Variants in INTS4 observed in about 807,000 individuals in gnomAD.
INTS4 encodes the protein MSTP093.
INTS4 carries 70 observed loss-of-function variants against 119.5 expected under a neutral mutation model. The ratio of observed to expected loss-of-function variants is 0.59; its 90% confidence interval spans 0.48 to 0.71. The LOEUF (loss-of-function observed/expected upper bound fraction) is 0.71. Ranked by LOEUF, INTS4 falls within the 30% of genes least tolerant of loss-of-function variation. The pLI, the probability that INTS4 is intolerant of heterozygous loss-of-function variation, is 0.00. For missense variants in INTS4, 867 were observed against 1,173.2 expected, an observed-to-expected ratio of 0.74 and a Z score of 3.81; for synonymous variants, 316 against 419.6, an observed-to-expected ratio of 0.75 and a Z score of 3.02.
chr11:77,972,794 T>C (rs946062206), intron 4 of INTS4, among the ~76,000 whole-genome samples: 1 of 151,690 alleles, frequency 6.6e-6, no homozygotes, highest in Non-Finnish European at 1.5e-5. Context: ...TACTGGTGCT[T>C]CTTTTGTTAG....
intron 12 of INTS4, chr11:77,922,780 C>T: frequency 2.7e-6 from 1 of 367,874 alleles, no homozygotes; most frequent in Non-Finnish European, 5.3e-6. Context: ...TCGGAAAAGG[C>T]AGGTCCAGCC....
chr11:77,885,393 A>G (rs1481909753), intron 21 of INTS4, among the ~76,000 whole-genome samples: 1 of 152,116 alleles, frequency 6.6e-6, no homozygotes, highest in East Asian at 1.9e-4. Flanking sequence ...TATTTCTTAA[A>G]GCTGCTACTC....
intron 4 of INTS4, among the ~76,000 whole-genome samples, chr11:77,968,488 G>A (rs1855584802): frequency 1.3e-5 from 2 of 152,296 alleles, no homozygotes; most frequent in Non-Finnish European, 2.9e-5. Context: ...TTAGGGACGA[G>A]GGGATGGGGA....
intron 17 of INTS4, among the ~76,000 whole-genome samples, chr11:77,902,633 G>T (rs1183833640): frequency 6.6e-6 from 1 of 152,140 alleles, no homozygotes; most frequent in Non-Finnish European, 1.5e-5. Context: ...TATTATGAGG[G>T]TTAATTAAGC....
chr11:77,958,760 C>A lies in INTS4; in HGVS notation c.783G>T (p.Gln261His). Residue 261 changes from glutamine to histidine, a missense_variant, in exon 7 of 23, where the codon CAG (glutamine) becomes CAT (histidine). By Grantham distance (24) the Gln-to-His change is conservative. This residue lies in a region of INTS4 where 208 missense variants were observed against 306.6 expected (regional missense o/e 0.68). Transcript: ENST00000534064. ...CCCACACTGACCTTTCAGGATAGAG[C>A]TGACTGACGACCCAGATAAGCTGGA... ...AAVQLIWVVS[Q>H]LYPESIVPIP... 1.2e-6 allele frequency: 2 copies of A among 1,609,430 alleles called. No homozygotes were observed. Among genetic ancestry groups the A allele is most frequent in the Non-Finnish European group, 1.7e-6 (2 of 1,177,664 alleles).
chr11:77,930,493 A>T (rs1157375532), intron 10 of INTS4, among the ~76,000 whole-genome samples: 2 of 152,212 alleles, frequency 1.3e-5, no homozygotes, highest in African/African-American at 4.8e-5. Context: ...TATCCATTAC[A>T]CCACACTGAC....
intron 4 of INTS4, among the ~76,000 whole-genome samples, chr11:77,975,582 A>T (rs991660005): frequency 6.6e-6 from 1 of 152,196 alleles, no homozygotes; most frequent in Non-Finnish European, 1.5e-5. Context: ...GTTATGAATC[A>T]CAGATAGCCT....
chr11:77,944,635 G>A (rs7935050), intron 8 of INTS4, among the ~76,000 whole-genome samples: 18,563 of 152,206 alleles, frequency 0.12, 1,277 homozygotes, highest in East Asian at 0.22. Flanking sequence ...TCGATTTGCT[G>A]AACAGGTGAT....
Position 77,934,981 on chromosome 11 carries a change from G to A in INTS4, c.1165+3670C>T, listed in dbSNP as rs560356072. Among the ~76,000 whole-genome samples, 5 of 152,226 alleles carry A rather than the reference G, an allele frequency of 3.3e-5. No individual in the cohort carries two copies. The South Asian group carries it at 8.3e-4, about 25-fold the overall frequency. ...CTTTTAAGACCTCGCACAGGTCTCCGGCACAAATTTACTGTAAAATGTGGA... is the reference window on the plus strand; with the variant it reads ...CTTTTAAGACCTCGCACAGGTCTCCAGCACAAATTTACTGTAAAATGTGGA... On this transcript the variant is annotated intron_variant, in intron 10 of 22. Coordinates refer to ENST00000534064, the MANE Select transcript of INTS4 (RefSeq NM_033547.4).
At chr11:77,994,188 C>T (rs1385045775) in intron 1 of INTS4, among the ~76,000 whole-genome samples, 2 of 151,374 alleles carry the variant, frequency 1.3e-5, no homozygotes, top group African/African-American at 2.4e-5. Flanking sequence ...TTTTTTGGAA[C>T]GGGGGTGCGG....
At chr11:77,978,365 T>C (rs1238450767) in intron 4 of INTS4, 1 of 152,224 alleles carries the variant, frequency 6.6e-6, no homozygotes, top group Non-Finnish European at 1.5e-5. Context: ...TTCTCAAAGT[T>C]ATCAAAAAGA....
At chr11:77,957,663 C>CTT (rs1159914263) in intron 7 of INTS4, among the ~76,000 whole-genome samples, 2,616 of 110,588 alleles carry the variant, frequency 0.024, 92 homozygotes, top group African/African-American at 0.064. Flanking sequence ...AACTGAACTT[C>CTT]TTTTTTTTTT....
At chr11:77,945,345 C>T (rs1435406101) in intron 8 of INTS4, among the ~76,000 whole-genome samples, 1 of 152,162 alleles carries the variant, frequency 6.6e-6, no homozygotes, top group Non-Finnish European at 1.5e-5. Context: ...TGGGAGCCCA[C>T]CTTGTCCTAA....
At chr11:77,891,971 A>G (rs1952290154) in intron 19 of INTS4, 131 bp from the exon 20 acceptor site, 1 of 1,441,296 alleles carries the variant, frequency 6.9e-7, no homozygotes. Flanking sequence ...GTTTACGACC[A>G]AGATAGACTG....
intron 10 of INTS4, among the ~76,000 whole-genome samples, chr11:77,933,348 G>A (rs904746022): frequency 4.6e-5 from 7 of 151,930 alleles, no homozygotes; most frequent in African/African-American, 1.4e-4. Context: ...TCAGCCTGCC[G>A]AGTGCCTGGG....
chr11:77,908,118 C>T (rs1470394803), intron 15 of INTS4, among the ~76,000 whole-genome samples: 1 of 152,008 alleles, frequency 6.6e-6, no homozygotes, highest in East Asian at 1.9e-4. Context: ...AAATGAAATG[C>T]TTTATGGGTC....
At chr11:77,875,555 G>T (rs1951572183), downstream of INTS4, among the ~76,000 whole-genome samples, 1 of 152,170 alleles carries the variant, frequency 6.6e-6, no homozygotes, top group African/African-American at 2.4e-5. Flanking sequence ...AACAGAGAAT[G>T]TGCTCTCTGA....
chr11:77,946,579 T>C (rs1292823869), intron 8 of INTS4, among the ~76,000 whole-genome samples: 3 of 151,906 alleles, frequency 2.0e-5, no homozygotes, highest in African/African-American at 4.8e-5. Flanking sequence ...CTGGGCAACA[T>C]GGCAAAACCC....
chr11:77,921,247 A>G lies in INTS4; in HGVS notation c.1764+93T>C. Reference sequence around the variant, plus strand: ...GGAGTTTGAGACCGCCCTGGGCAACATAACAAGACCCCCATCTCAAAGGAA... The same window carrying G: ...GGAGTTTGAGACCGCCCTGGGCAACGTAACAAGACCCCCATCTCAAAGGAA... On this transcript the variant is annotated intron_variant, in intron 14 of 22. Transcript: ENST00000534064. The G allele has an allele frequency of 4.5e-6, 6 of 1,338,262 alleles. No individual in the cohort carries two copies. The South Asian group carries it at 6.6e-5, about 15-fold the overall frequency. The allele number at this position is 1,338,262 out of a possible 1,614,324, so 82.9% of individuals were successfully genotyped here. A position where few individuals can be genotyped will look rare whatever the true frequency, so the allele number is the denominator to read the frequency against.
Sources: gnomAD v4.1 joint callset for allele counts (sites outside exome capture counted in the v4.1 genomes callset) on GRCh38, gnomAD v4.1.1 for gene constraint, gnomAD v4.1.1 regional missense constraint, MANE v1.5 for transcripts, NCBI Gene and HGNC (gene_info 2026-07-23, HGNC 2026-07-21) for gene names.